The following LUZP2 variants were observed in gnomAD, a reference collection of about 807,000 sequenced individuals.
LUZP2 encodes leucine zipper protein 2.
In LUZP2, 52 loss-of-function variants were observed where a neutral mutation model predicts 51.6. That is an observed-to-expected ratio of 1.01 (90% CI 0.81 to 1.27). LUZP2 has a LOEUF of 1.27. LUZP2 is among the 50% of genes most tolerant of loss of function. The pLI is 0.00. For missense variants in LUZP2, 436 were observed against 395.4 expected (o/e 1.10, Z -0.87); for synonymous variants, 154 against 137.3 (o/e 1.12, Z -0.85).
intron 9 of LUZP2, among the ~76,000 whole-genome samples, chr11:25,008,205 C>T (rs1856887782): frequency 6.6e-6 from 1 of 152,208 alleles, no homozygotes; most frequent in African/African-American, 2.4e-5. Flanking sequence ...TGCATGTCCA[C>T]AGGGACTCTG....
intron 1 of LUZP2, among the ~76,000 whole-genome samples, chr11:24,516,105 A>C (rs1850454418): frequency 6.7e-6 from 1 of 150,316 alleles, no homozygotes; most frequent in South Asian, 2.1e-4. Flanking sequence ...CTTATAGTAG[A>C]TTTTTTTTTT....
chr11:24,893,328 T>C (rs1852915891), intron 5 of LUZP2: 1 of 117,652 alleles, frequency 8.5e-6, no homozygotes, highest in Non-Finnish European at 1.8e-5. Context: ...AGGAACAGAA[T>C]ATAAACAGCA....
At chr11:24,915,240 G>A (rs1853755202) in intron 7 of LUZP2, among the ~76,000 whole-genome samples, 1 of 152,170 alleles carries the variant, frequency 6.6e-6, no homozygotes, top group African/African-American at 2.4e-5. Context: ...GCATGACAAT[G>A]TTATGATTTA....
Position 24,630,673 on chromosome 11 carries a change from CTTT to C in LUZP2, c.63-98479_63-98477del, listed in dbSNP as rs57556855. Among the ~76,000 whole-genome samples, 57 of 131,652 alleles carry C rather than the reference CTTT, an allele frequency of 4.3e-4. 1 individual carries two copies. The highest frequency in any genetic ancestry group is 1.1e-3 in the South Asian group (5 of 4,364). 86.4% of individuals were successfully genotyped at this position (131,652 alleles called of 152,430 possible). ...CTTGTAATGGCTTTGGCTATTCCGA[CTTT>C]TTTTTTTTTTTTTTTTGCTGTTCCA... On this transcript the variant is annotated intron_variant, in intron 1 of 11. Transcript: ENST00000336930.
intron 5 of LUZP2, among the ~76,000 whole-genome samples, chr11:24,832,736 C>G (rs1309771500): frequency 6.6e-6 from 1 of 151,668 alleles, no homozygotes; most frequent in African/African-American, 2.4e-5. Flanking sequence ...ACTGTAAGTT[C>G]TAAAAGAGAA....
At position 24,983,138 on chromosome 11, in the gene LUZP2, A is replaced by G. The variant is rs1210275139; in HGVS notation, c.610A>G (p.Lys204Glu). 6.2e-7 allele frequency: 1 copy of G among 1,611,148 alleles called. No homozygotes were observed. Among genetic ancestry groups the G allele is most frequent in the Admixed American group, 1.7e-5 (1 of 59,624 alleles). Residue 204 changes from lysine (K) to glutamate (E), a missense_variant, in exon 9 of 12, where the codon AAA becomes GAA. Transcript: ENST00000336930. ...KAALDRESQM[K>E]AMKETVQLCL... is the part of the protein sequence containing the mutation. ...TCTTTTTTTGTAGGAGTCACAGATG[A>G]AAGCAATGAAAGAGACTGTGCAGCT...
At chr11:24,974,156 CT>C (rs1234214774) in intron 7 of LUZP2, among the ~76,000 whole-genome samples, 2 of 152,022 alleles carry the variant, frequency 1.3e-5, no homozygotes, top group Non-Finnish European at 1.5e-5. Context: ...GTTAGCTCTT[CT>C]TGTGGAATTG....
intron 1 of LUZP2, among the ~76,000 whole-genome samples, chr11:24,531,461 T>C (rs927068540): frequency 5.3e-5 from 8 of 150,882 alleles, no homozygotes; most frequent in African/African-American, 1.7e-4. Flanking sequence ...TCTCCTAGTT[T>C]TGAAAGTATA....
chr11:24,722,889 C>T (rs1443560528), intron 1 of LUZP2, among the ~76,000 whole-genome samples: 1 of 151,190 alleles, frequency 6.6e-6, no homozygotes, highest in Admixed American at 6.6e-5. Flanking sequence ...TGCACTACAA[C>T]CTGGGCAACA....
In LUZP2 at chr11:24,922,825, CTTTTTTTTTTTCTTTT is replaced by C. The variant is rs1379409575; in HGVS notation, c.522+8299_522+8314del. Among the ~76,000 whole-genome samples the C allele has an allele frequency of 8.7e-3, 386 of 44,590 alleles. 12 individuals are homozygous for C. The highest frequency in any genetic ancestry group is 0.017 in the African/African-American group (362 of 21,906). 29.3% of individuals were successfully genotyped at this position (44,590 alleles called of 152,430 possible). ...GGACTACCAAGTGGCACAGTTATATCTTTTTTTTTTTCTTTTTTTTTTTTTTTTTTTTTTTTTTTTT... is the reference window on the plus strand; with the variant it reads ...GGACTACCAAGTGGCACAGTTATATCTTTTTTTTTTTTTTTTTTTTTTTTT... On this transcript the variant is annotated intron_variant, in intron 7 of 11. Transcript: ENST00000336930.
intron 10 of LUZP2, among the ~76,000 whole-genome samples, chr11:25,064,828 T>C (rs1858952656): frequency 6.6e-6 from 1 of 152,066 alleles, no homozygotes; most frequent in South Asian, 2.1e-4. Context: ...ATGATGGCCC[T>C]TGAAACATTT....
At chr11:24,499,913 T>C (rs191264024) in intron 1 of LUZP2, among the ~76,000 whole-genome samples, 1 of 152,200 alleles carries the variant, frequency 6.6e-6, no homozygotes, top group African/African-American at 2.4e-5. Context: ...GAAAAGGTAG[T>C]CTTTTGACTG....
At chr11:24,735,841 G>T (rs1858918970) in intron 3 of LUZP2, among the ~76,000 whole-genome samples, 1 of 152,024 alleles carries the variant, frequency 6.6e-6, no homozygotes, top group East Asian at 1.9e-4. Context: ...GATATAGATT[G>T]GGCAAATCTC....
At chr11:24,598,466 CT>C (rs906222417) in intron 1 of LUZP2, among the ~76,000 whole-genome samples, 1 of 151,982 alleles carries the variant, frequency 6.6e-6, no homozygotes, top group African/African-American at 2.4e-5. Context: ...TCTATAGAAG[CT>C]GCTGCATGAT....
intron 10 of LUZP2, among the ~76,000 whole-genome samples, chr11:25,061,619 T>C (rs980226754): frequency 6.6e-6 from 1 of 152,156 alleles, no homozygotes; most frequent in Non-Finnish European, 1.5e-5. Flanking sequence ...ACTAATTAGG[T>C]TGAGTTTTAC....
intron 1 of LUZP2, among the ~76,000 whole-genome samples, chr11:24,578,226 G>T (rs1409994947): frequency 6.6e-6 from 1 of 151,862 alleles, no homozygotes; most frequent in African/African-American, 2.4e-5. Flanking sequence ...AAATTAAGGA[G>T]CTTCTTCTTA....
chr11:24,633,268 A>G (rs1324557064), intron 1 of LUZP2, among the ~76,000 whole-genome samples: 5 of 152,176 alleles, frequency 3.3e-5, no homozygotes, highest in Admixed American at 2.0e-4. Flanking sequence ...ATCTGCCACA[A>G]TGCTTTCAAG....
chr11:24,927,221 T>C (rs1361994182), intron 7 of LUZP2, among the ~76,000 whole-genome samples: 1 of 152,096 alleles, frequency 6.6e-6, no homozygotes, highest in Non-Finnish European at 1.5e-5. Context: ...GTTATCTATT[T>C]GCTGATTGTT....
chr11:24,589,636 AT>A (rs1274477218), intron 1 of LUZP2, among the ~76,000 whole-genome samples: 3 of 152,150 alleles, frequency 2.0e-5, no homozygotes, highest in East Asian at 1.9e-4. Context: ...TTAGGTTACA[AT>A]TTTTTTAAGG....
Sources: allele counts gnomAD v4.1 joint callset (sites outside exome capture counted in the v4.1 genomes callset), GRCh38; gene constraint gnomAD v4.1.1; transcripts MANE v1.5; gene names NCBI Gene and HGNC (gene_info 2026-07-23, HGNC 2026-07-21).